ACTR3C: variants seen among roughly 807,000 people sequenced by gnomAD.
ACTR3C encodes the protein actin related protein 3C.
Under a neutral mutation model 26.3 loss-of-function variants are expected in ACTR3C, and 18 were observed. The observed-to-expected ratio is 0.68, with a 90% CI of 0.47 to 1.01. ACTR3C has a LOEUF of 1.01. ACTR3C is among the 50% of genes least tolerant of loss of function. The pLI is 0.00. For synonymous variants in ACTR3C, 55 were observed against 94.5 expected, an observed-to-expected ratio of 0.58 and a Z score of 2.42; for missense variants, 184 against 250.7, an observed-to-expected ratio of 0.73 and a Z score of 1.80.
At chr7:149,903,865 C>CTTTGTTGTT in the ACTR3C span, among the ~76,000 whole-genome samples, 49 of 50,598 alleles carry the variant, frequency 9.7e-4, 9 homozygotes, top group East Asian at 0.011. Context: ...AGTGTAAGGG[C>CTTTGTTGTT]GTTGTTGTTG....
intron 1 of ACTR3C, among the ~76,000 whole-genome samples, 151 bp from the exon 2 acceptor site, chr7:150,295,498 A>G (rs1437618324): frequency 6.6e-6 from 1 of 152,306 alleles, no homozygotes; most frequent in African/African-American, 2.4e-5. Flanking sequence ...TGTATTAAAG[A>G]AATCTGGCCG....
chr7:149,974,539 T>C, the ACTR3C span, among the ~76,000 whole-genome samples: 2 of 152,320 alleles, frequency 1.3e-5, no homozygotes, highest in Admixed American at 1.3e-4. Context: ...TCACCACTGC[T>C]GCCCCTCCAC....
At chr7:150,277,626 C>T (rs1359119781) in intron 6 of ACTR3C, among the ~76,000 whole-genome samples, 4 of 152,056 alleles carry the variant, frequency 2.6e-5, no homozygotes, top group East Asian at 3.9e-4. Context: ...AAGGGTGCCC[C>T]GCTCCTGTAT....
the ACTR3C span, among the ~76,000 whole-genome samples, chr7:150,144,297 C>T: frequency 1.3e-3 from 195 of 152,234 alleles, no homozygotes; most frequent in African/African-American, 4.6e-3. The surrounding 1 kb of genome is among the most constrained non-coding windows in gnomAD (Gnocchi z 4.6). Flanking sequence ...TATTTTAACT[C>T]AGTACTGTTA....
At chr7:150,034,946 G>A in the ACTR3C span, among the ~76,000 whole-genome samples, 21 of 144,366 alleles carry the variant, frequency 1.5e-4, no homozygotes, top group African/African-American at 2.5e-4. Flanking sequence ...AGGGGCGGAA[G>A]AGGGGATAAC....
the ACTR3C span, among the ~76,000 whole-genome samples, chr7:149,939,629 G>A: frequency 6.6e-6 from 1 of 151,730 alleles, no homozygotes; most frequent in Non-Finnish European, 1.5e-5. Flanking sequence ...ATACTTTCGA[G>A]TTTCCTCAGC....
At chr7:150,246,764 T>C (rs546688176), downstream of ACTR3C, 2 of 152,020 alleles carry the variant, frequency 1.3e-5, no homozygotes, top group African/African-American at 4.8e-5. Flanking sequence ...ACAAAATTTT[T>C]GCTTTTCCAC....
chr7:150,287,949 C>A (rs533942861), intron 4 of ACTR3C, among the ~76,000 whole-genome samples: 21 of 145,300 alleles, frequency 1.4e-4, no homozygotes, highest in Admixed American at 1.3e-3. Flanking sequence ...CAGGCTTAAC[C>A]TTAAGGTTCA....
chr7:150,093,195 G>A, the ACTR3C span, among the ~76,000 whole-genome samples: 26 of 151,134 alleles, frequency 1.7e-4, no homozygotes, highest in South Asian at 5.0e-3. Context: ...TTGCCTGGCA[G>A]CTCATCTGAG....
chr7:150,141,626 C>T, the ACTR3C span, among the ~76,000 whole-genome samples: 8 of 152,002 alleles, frequency 5.3e-5, no homozygotes, highest in African/African-American at 1.9e-4. Context: ...AGGTTCTTGG[C>T]CTGCCTTTGA....
chr7:150,318,447 A>G (rs1329877278), intron 1 of ACTR3C, among the ~76,000 whole-genome samples: 1 of 152,158 alleles, frequency 6.6e-6, no homozygotes, highest in Non-Finnish European at 1.5e-5. Flanking sequence ...GTCCTGGAAA[A>G]CTAATAAAGA....
At chr7:150,314,804 T>G (rs1404650140) in intron 1 of ACTR3C, among the ~76,000 whole-genome samples, 10 of 147,402 alleles carry the variant, frequency 6.8e-5, no homozygotes, top group Admixed American at 4.1e-4. Context: ...CAACAAAAAT[T>G]AGTCAGGCAC....
chr7:150,045,701 C>CA, the ACTR3C span, among the ~76,000 whole-genome samples: 2 of 151,984 alleles, frequency 1.3e-5, no homozygotes, highest in East Asian at 3.9e-4. Flanking sequence ...TTTCTAGACA[C>CA]ATGTCACAAT....
chr7:150,041,496 G>A, the ACTR3C span: 2 of 203,830 alleles, frequency 9.8e-6, no homozygotes, highest in Non-Finnish European at 1.6e-5. Flanking sequence ...AACGATGGGG[G>A]GTCCTAAGCC....
At chr7:150,017,619 C>A in the ACTR3C span, among the ~76,000 whole-genome samples, 3 of 149,912 alleles carry the variant, frequency 2.0e-5, no homozygotes, top group South Asian at 4.2e-4. Context: ...TCCACGGTCA[C>A]CTGTCTCCTA....
the ACTR3C span, among the ~76,000 whole-genome samples, chr7:150,149,558 T>C: frequency 5.1e-5 from 7 of 138,228 alleles, no homozygotes; most frequent in East Asian, 1.6e-3. Flanking sequence ...AGTGTTCTCA[T>C]TGTTCAATTC....
chr7:150,141,529 A>G, the ACTR3C span, among the ~76,000 whole-genome samples: 1 of 133,928 alleles, frequency 7.5e-6, no homozygotes, highest in Non-Finnish European at 1.6e-5. Flanking sequence ...TATACAACAG[A>G]AAAAAAAAAA....
the ACTR3C span, among the ~76,000 whole-genome samples, chr7:150,219,977 G>T: frequency 6.8e-6 from 1 of 146,536 alleles, no homozygotes; most frequent in East Asian, 1.9e-4. Context: ...AGCAGGGTAG[G>T]ATCTCCAGCC....
chr7:149,923,465 C>T, the ACTR3C span, among the ~76,000 whole-genome samples: 4,396 of 152,196 alleles, frequency 0.029, 288 homozygotes, highest in East Asian at 0.28. Context: ...AGGGATCACA[C>T]ATCTTGATAT....
Sources: gnomAD v4.1 joint callset for allele counts (sites outside exome capture counted in the v4.1 genomes callset) on GRCh38, gnomAD v4.1.1 for gene constraint, Gnocchi (gnomAD v3.1) non-coding constraint, MANE v1.5 for transcripts, NCBI Gene and HGNC (gene_info 2026-07-23, HGNC 2026-07-21) for gene names.